The following FRMPD2 variants were observed in gnomAD, a reference collection of about 807,000 sequenced individuals.
The protein encoded by FRMPD2 is FERM and PDZ domain containing 2.
A neutral mutation model predicts 140.1 loss-of-function variants in FRMPD2; 96 were observed. The ratio of observed to expected loss-of-function variants is 0.69; its 90% CI spans 0.58 to 0.81. The LOEUF (loss-of-function observed/expected upper bound fraction) is 0.81. Ranked by LOEUF, FRMPD2 falls within the 40% of genes least tolerant of loss-of-function variation. The pLI is 0.00. For synonymous variants in FRMPD2, 449 were observed against 547.6 expected, an observed-to-expected ratio of 0.82 and a Z score of 2.52; for missense variants, 1,240 against 1,447.4, an observed-to-expected ratio of 0.86 and a Z score of 2.32.
At chr10:48,211,841 A>T in intron 13 of FRMPD2, 113 bp downstream of exon 13, 3 of 965,464 alleles carry the variant, frequency 3.1e-6, no homozygotes, top group Non-Finnish European at 4.4e-6. Flanking sequence ...ACCCTTGCTC[A>T]TGCCTCCTTG....
At chr10:48,160,496 G>A (rs1345183432) in intron 28 of FRMPD2, among the ~76,000 whole-genome samples, 2 of 128,590 alleles carry the variant, frequency 1.6e-5, no homozygotes, top group African/African-American at 6.0e-5. Flanking sequence ...CGCATGCCAG[G>A]CACTGTGACA....
At chr10:48,247,620 C>T (rs1840280544) in intron 3 of FRMPD2, among the ~76,000 whole-genome samples, 1 of 152,210 alleles carries the variant, frequency 6.6e-6, no homozygotes, top group African/African-American at 2.4e-5. Flanking sequence ...AACGTATCCT[C>T]TTAGGTCCCC....
chr10:48,273,772 G>A (rs1208483938), intron 1 of FRMPD2, among the ~76,000 whole-genome samples: 2 of 151,964 alleles, frequency 1.3e-5, no homozygotes, highest in East Asian at 3.9e-4. Flanking sequence ...TACCAAGTAA[G>A]TTCTCGTTGA....
chr10:48,228,390 A>G (rs866287385), intron 10 of FRMPD2, among the ~76,000 whole-genome samples: 24 of 151,964 alleles, frequency 1.6e-4, no homozygotes, highest in Admixed American at 3.3e-4. Flanking sequence ...AGTTAAATGA[A>G]ATGATGAATA....
intron 10 of FRMPD2, among the ~76,000 whole-genome samples, chr10:48,224,461 G>C (rs1839678415): frequency 1.3e-5 from 2 of 152,194 alleles, no homozygotes; most frequent in Non-Finnish European, 2.9e-5. Flanking sequence ...GGGGTGGGGA[G>C]GGGGTGTCCA....
intron 1 of FRMPD2, among the ~76,000 whole-genome samples, chr10:48,270,953 G>T (rs935890823): frequency 4.6e-5 from 7 of 152,054 alleles, no homozygotes; most frequent in Non-Finnish European, 7.4e-5. Flanking sequence ...CTACAAAATG[G>T]TTTCCTACAA....
chr10:48,232,143 G>A lies in FRMPD2; in HGVS notation c.1140C>T (p.Leu380=). 6.2e-7 allele frequency: 1 copy of A among 1,614,196 alleles called. No homozygotes were observed. The highest frequency in any genetic ancestry group is 8.5e-7 in the Non-Finnish European group (1 of 1,180,040). ...AVTSFANLEE[L]TYFGLAYMKS... ...TCATATACGCCAAGCCAAAGTAGGT[G>A]AGTTCCTCGAGGTTGGCAAAGGATG... is the stretch of plus-strand genomic sequence containing the variant. Residue 380 remains leucine (L), a synonymous_variant, in exon 10 of 29, where the codon CTC becomes CTT. Transcript: ENST00000374201.
chr10:48,174,984 A>C (rs1184222543), intron 23 of FRMPD2, 29 bp from the exon 24 acceptor site: 5 of 718,558 alleles, frequency 7.0e-6, no homozygotes, highest in Non-Finnish European at 1.2e-5. Flanking sequence ...TCATGTCATG[A>C]CCTGGTGCTT....
chr10:48,183,815 G>A (rs1838608163), intron 20 of FRMPD2, among the ~76,000 whole-genome samples: 1 of 135,418 alleles, frequency 7.4e-6, no homozygotes, highest in East Asian at 2.3e-4. Context: ...TCGTGCCATT[G>A]CACTCCATCC....
chr10:48,202,859 G>GAC (rs1839120763), intron 14 of FRMPD2, among the ~76,000 whole-genome samples: 1 of 152,116 alleles, frequency 6.6e-6, no homozygotes, highest in South Asian at 2.1e-4. Context: ...GGAGTGCAGT[G>GAC]ACACAATCAT....
intron 3 of FRMPD2, among the ~76,000 whole-genome samples, chr10:48,247,246 A>G (rs993745997): frequency 6.6e-6 from 1 of 152,242 alleles, no homozygotes; most frequent in African/African-American, 2.4e-5. Flanking sequence ...AAGGTACTCA[A>G]TGGAGGCCAA....
At chr10:48,184,501 C>T (rs1554792950) in intron 20 of FRMPD2, 65 bp downstream of exon 20, 1 of 970,152 alleles carries the variant, frequency 1.0e-6, no homozygotes, top group Non-Finnish European at 1.7e-6. Context: ...TAGTACCTCA[C>T]AGTAATCATG....
chr10:48,215,816 G>C (rs1378711711), intron 12 of FRMPD2, among the ~76,000 whole-genome samples: 1 of 152,198 alleles, frequency 6.6e-6, no homozygotes, highest in South Asian at 2.1e-4. Flanking sequence ...CCATAATGGA[G>C]TGTTGGTGCT....
At chr10:48,199,307 C>G (rs576810528) in intron 15 of FRMPD2, among the ~76,000 whole-genome samples, 1 of 149,302 alleles carries the variant, frequency 6.7e-6, no homozygotes, top group South Asian at 2.1e-4. Flanking sequence ...TACAAGGTAC[C>G]TTAAATTTTT....
intron 1 of FRMPD2, among the ~76,000 whole-genome samples, chr10:48,264,250 C>T (rs1242188409): frequency 2.6e-5 from 4 of 151,710 alleles, no homozygotes; most frequent in African/African-American, 7.3e-5. Flanking sequence ...AAAGATGTCC[C>T]CTCTCACCAT....
intron 25 of FRMPD2, among the ~76,000 whole-genome samples, chr10:48,171,587 T>C (rs1332951735): frequency 1.3e-5 from 2 of 152,422 alleles, no homozygotes; most frequent in Non-Finnish European, 2.9e-5. Flanking sequence ...GTCATCAATA[T>C]GAAAAAATTA....
At chr10:48,214,140 T>C (rs1839391779) in intron 12 of FRMPD2, among the ~76,000 whole-genome samples, 1 of 152,192 alleles carries the variant, frequency 6.6e-6, no homozygotes, top group African/African-American at 2.4e-5. Flanking sequence ...CAAAAGCTTC[T>C]CAAGTGCTGA....
At position 48,162,018 on chromosome 10, in the gene FRMPD2, C is replaced by T. The variant is rs1280306832; in HGVS notation, c.3881+1310G>A. Among the ~76,000 whole-genome samples, 3 of 150,652 alleles carry T rather than the reference C, an allele frequency of 2.0e-5. 1 individual carries two copies. Among genetic ancestry groups the T allele is most frequent in the Non-Finnish European group, 1.5e-5 (1 of 67,764 alleles). On this transcript the variant is annotated intron_variant, in intron 28 of 28. Coordinates refer to ENST00000374201, the MANE Select transcript of FRMPD2 (RefSeq NM_001018071.4). ...GCAGCAAAACCTTTCAATATCCAAA[C>T]AAGTGCCTCCTCCCTACAGGAAAGT...
intron 27 of FRMPD2, among the ~76,000 whole-genome samples, chr10:48,167,469 T>C (rs1838125851): frequency 2.5e-5 from 2 of 78,806 alleles, no homozygotes; most frequent in Non-Finnish European, 2.7e-5. Context: ...TCCCAATTCA[T>C]GGCAGCTCCA....
Sources: gnomAD v4.1 joint callset for allele counts (sites outside exome capture counted in the v4.1 genomes callset) on GRCh38, gnomAD v4.1.1 for gene constraint, MANE v1.5 for transcripts, NCBI Gene and HGNC (gene_info 2026-07-23, HGNC 2026-07-21) for gene names.